AFG1L: variants seen among roughly 807,000 people sequenced by gnomAD.
AFG1L encodes AFG1 like ATPase.
In AFG1L, 53 loss-of-function variants were observed where a neutral mutation model predicts 62.2. The ratio of observed to expected loss-of-function variants is 0.85; its 90% confidence interval spans 0.68 to 1.07. The LOEUF is 1.07. Among genes scored for constraint, AFG1L ranks in the 50% least tolerant of loss-of-function variants. The pLI is 0.00. For synonymous variants in AFG1L, 228 were observed against 210.3 expected, an observed-to-expected ratio of 1.08 and a Z score of -0.73; for missense variants, 555 against 590.5, an observed-to-expected ratio of 0.94 and a Z score of 0.62.
At chr6:108,411,503 C>T (rs1021891598) in intron 7 of AFG1L, among the ~76,000 whole-genome samples, 10 of 152,190 alleles carry the variant, frequency 6.6e-5, no homozygotes, top group Non-Finnish European at 1.3e-4. Context: ...GGAGACACCT[C>T]TCAGTAGGGC....
chr6:108,493,296 G>A (rs993495020), intron 10 of AFG1L, among the ~76,000 whole-genome samples: 10 of 152,190 alleles, frequency 6.6e-5, no homozygotes, highest in African/African-American at 1.9e-4. Flanking sequence ...AGGCTAAATC[G>A]TCTGGTGGTG....
intron 1 of AFG1L, among the ~76,000 whole-genome samples, chr6:108,315,139 A>G (rs547645616): frequency 5.3e-5 from 8 of 152,244 alleles, no homozygotes; most frequent in South Asian, 2.1e-4. Flanking sequence ...TTAGCCTCCC[A>G]AAGTATTGGG....
At chr6:108,458,084 C>T (rs563429189) in intron 8 of AFG1L, among the ~76,000 whole-genome samples, 1 of 152,152 alleles carries the variant, frequency 6.6e-6, no homozygotes, top group Middle Eastern at 3.4e-3. Context: ...TTATTTTTAT[C>T]TTGGTTTTAA....
chr6:108,327,725 T>C (rs914976973), intron 2 of AFG1L, among the ~76,000 whole-genome samples: 4 of 152,328 alleles, frequency 2.6e-5, no homozygotes, highest in Middle Eastern at 6.8e-3. Flanking sequence ...CACCCACTTA[T>C]TTTGTTGTTC....
intron 10 of AFG1L, 48 bp downstream of exon 10, chr6:108,477,340 A>C (rs775591390): frequency 8.9e-7 from 1 of 1,120,242 alleles, no homozygotes; most frequent in Non-Finnish European, 1.3e-6. Flanking sequence ...CACATGTTAA[A>C]ATACTTCGTG....
At chr6:108,500,461 T>A (rs1209864952) in intron 10 of AFG1L, among the ~76,000 whole-genome samples, 1 of 152,192 alleles carries the variant, frequency 6.6e-6, no homozygotes, top group Non-Finnish European at 1.5e-5. Context: ...ATGTGTGACA[T>A]CTTGATCAAT....
At chr6:108,375,133 G>T (rs1780189350) in intron 6 of AFG1L, among the ~76,000 whole-genome samples, 1 of 152,076 alleles carries the variant, frequency 6.6e-6, no homozygotes, top group Non-Finnish European at 1.5e-5. Flanking sequence ...CAGTTTGAAT[G>T]TTATTGGTGT....
intron 10 of AFG1L, among the ~76,000 whole-genome samples, chr6:108,491,614 A>G (rs1773782417): frequency 1.3e-5 from 2 of 152,246 alleles, no homozygotes; most frequent in South Asian, 2.1e-4. Context: ...CCGGCCTTTC[A>G]TGGATGTTTT....
At chr6:108,355,291 T>G (rs1488612223) in intron 3 of AFG1L, among the ~76,000 whole-genome samples, 4 of 152,072 alleles carry the variant, frequency 2.6e-5, no homozygotes, top group African/African-American at 7.2e-5. Context: ...CAGTTCCTTA[T>G]GCATAGTAAT....
intron 8 of AFG1L, among the ~76,000 whole-genome samples, chr6:108,455,795 C>T (rs76231549): frequency 0.013 from 1,943 of 152,198 alleles, 26 homozygotes; most frequent in Non-Finnish European, 0.02. Flanking sequence ...ATTATGGTTA[C>T]AGAATCTATG....
chr6:108,398,405 T>C (rs1781409890), intron 6 of AFG1L, among the ~76,000 whole-genome samples: 1 of 152,180 alleles, frequency 6.6e-6, no homozygotes. Context: ...TTCTGTGGGT[T>C]GTCTCTTCAC....
At chr6:108,471,468 C>CTTTTTT (rs56375345) in intron 8 of AFG1L, among the ~76,000 whole-genome samples, 9 of 100,348 alleles carry the variant, frequency 9.0e-5, no homozygotes, top group Non-Finnish European at 1.4e-4. Context: ...TGTTCTTCTT[C>CTTTTTT]TTTTTTTTTT....
chr6:108,412,233 C>A (rs1350249770), intron 7 of AFG1L, among the ~76,000 whole-genome samples: 2 of 152,048 alleles, frequency 1.3e-5, no homozygotes, highest in African/African-American at 2.4e-5. Context: ...TAAAAAGCAA[C>A]AAACAAAGCC....
chr6:108,472,976 A>AT (rs1331781618), intron 8 of AFG1L, among the ~76,000 whole-genome samples: 1 of 151,466 alleles, frequency 6.6e-6, no homozygotes, highest in African/African-American at 2.4e-5. Context: ...TAATTTTTGT[A>AT]TTTTTTGTAG....
At chr6:108,321,540 T>A (rs1464437537) in intron 1 of AFG1L, among the ~76,000 whole-genome samples, 1 of 152,172 alleles carries the variant, frequency 6.6e-6, no homozygotes, top group Non-Finnish European at 1.5e-5. Flanking sequence ...TCAGGTGTGA[T>A]GCAATGAATA....
chr6:108,469,709 C>G (rs1772810764), intron 8 of AFG1L, among the ~76,000 whole-genome samples: 1 of 152,158 alleles, frequency 6.6e-6, no homozygotes, highest in South Asian at 2.1e-4. Flanking sequence ...AACTAACTTG[C>G]ATTTTTCTAT....
rs537055598 is a variant in AFG1L at position 108,378,310 on chromosome 6, TTTTG to T, written c.748+11998_748+12001del. Among the ~76,000 whole-genome samples, 67 of 152,004 alleles carry T rather than the reference TTTTG, an allele frequency of 4.4e-4. No homozygotes were observed. The East Asian group carries it at 0.011, about 25-fold the overall frequency. ...TGCAAGCCATGCTTTGAAGTTGTTT[TTTTG>T]TTTGTTTGTTTGTTTGTTTTTTTGA... On this transcript the variant is annotated intron_variant, in intron 6 of 12. Coordinates refer to ENST00000368977, the MANE Select transcript of AFG1L (RefSeq NM_145315.5).
chr6:108,513,113 G>A (rs1455116146), intron 11 of AFG1L, among the ~76,000 whole-genome samples: 2 of 152,192 alleles, frequency 1.3e-5, no homozygotes, highest in African/African-American at 2.4e-5. Flanking sequence ...AAAACATCAA[G>A]AAGAATATGT....
chr6:108,322,330 T>A (rs1777844136), intron 1 of AFG1L, among the ~76,000 whole-genome samples: 2 of 152,186 alleles, frequency 1.3e-5, no homozygotes, highest in Non-Finnish European at 2.9e-5. Flanking sequence ...CAACATTCTG[T>A]GTGCATCTCA....
Sources: allele counts gnomAD v4.1 joint callset (sites outside exome capture counted in the v4.1 genomes callset), GRCh38; gene constraint gnomAD v4.1.1; transcripts MANE v1.5; gene names NCBI Gene and HGNC (gene_info 2026-07-23, HGNC 2026-07-21).